The following NOS2 variants were observed in gnomAD, a reference collection of about 807,000 sequenced individuals.
NOS2 encodes nitric oxide synthase, inducible.
In NOS2, 96 loss-of-function variants were observed where a neutral mutation model predicts 136.0. That is an observed-to-expected ratio of 0.71 (90% CI 0.60 to 0.84). NOS2 has a LOEUF of 0.84. Ranked by LOEUF, NOS2 falls within the 40% of genes least tolerant of loss-of-function variation. The pLI, the probability that NOS2 is intolerant of heterozygous loss-of-function variation, is 0.00. For missense variants in NOS2, 1,237 were observed against 1,496.9 expected (o/e 0.83, Z 2.87); for synonymous variants, 539 against 587.5 (o/e 0.92, Z 1.20).
At chr17:27,761,601 C>T (rs956454016) in intron 22 of NOS2, among the ~76,000 whole-genome samples, 9 of 152,180 alleles carry the variant, frequency 5.9e-5, no homozygotes, top group Non-Finnish European at 1.3e-4. Context: ...TCCCAGCTCA[C>T]CACTGAGCTC....
intron 2 of NOS2, among the ~76,000 whole-genome samples, chr17:27,794,376 C>T (rs1349977126): frequency 2.0e-5 from 3 of 152,182 alleles, no homozygotes; most frequent in Admixed American, 6.5e-5. Context: ...CTTGCAGGCC[C>T]CTTGTCCTTG....
chr17:27,766,455 T>C, intron 19 of NOS2, 55 bp downstream of exon 19: 1 of 1,412,782 alleles, frequency 7.1e-7, no homozygotes, highest in Admixed American at 1.7e-5. Context: ...GATCTTTCAT[T>C]CGTTAAAATA....
intron 11 of NOS2, among the ~76,000 whole-genome samples, chr17:27,778,347 T>C (rs1597552384): frequency 2.0e-5 from 3 of 152,132 alleles, no homozygotes; most frequent in African/African-American, 7.2e-5. Flanking sequence ...AGCCTGAGGT[T>C]TGGCAGGAGT....
chr17:27,759,060 T>A lies in NOS2; in HGVS notation c.3175A>T (p.Ile1059Phe), dbSNP rs769452096. 6.2e-7 allele frequency: 1 copy of A among 1,601,166 alleles called. No homozygotes were observed. Among genetic ancestry groups the A allele is most frequent in the African/African-American group, 1.3e-5 (1 of 74,526 alleles). ...PGKPKVYVQD[I>F]LRQQLASEVL... ...TCGCTGGCCAGCTGCTGCCGCAGGA[T>A]GTCCTGAACATAGACCTGAAACCAG... Residue 1059 changes from isoleucine to phenylalanine, a missense_variant, in exon 26 of 27, where the codon ATC becomes TTC. Ile to Phe is a conservative substitution (Grantham distance 21). Transcript: ENST00000313735.
intron 5 of NOS2, among the ~76,000 whole-genome samples, chr17:27,783,864 C>T (rs749086428): frequency 6.6e-6 from 1 of 152,150 alleles, no homozygotes; most frequent in African/African-American, 2.4e-5. Context: ...GACAGTAAGC[C>T]CAAAGATGTT....
chr17:27,784,654 G>A (rs1377584231), intron 5 of NOS2, among the ~76,000 whole-genome samples: 2 of 152,208 alleles, frequency 1.3e-5, no homozygotes, highest in African/African-American at 2.4e-5. Flanking sequence ...CATTAGAAAT[G>A]CTATGATGTC....
At chr17:27,760,836 G>T in intron 23 of NOS2, 92 bp from the exon 24 acceptor site, 1 of 1,443,506 alleles carries the variant, frequency 6.9e-7, no homozygotes, top group Non-Finnish European at 9.3e-7. Flanking sequence ...TGTGGGAGGC[G>T]GTCGTGAGGG....
intron 9 of NOS2, among the ~76,000 whole-genome samples, chr17:27,779,586 G>T (rs1190506259): frequency 6.6e-6 from 1 of 151,954 alleles, no homozygotes; most frequent in Non-Finnish European, 1.5e-5. Context: ...AGACGTATTG[G>T]ACACATAGGA....
intron 13 of NOS2, 125 bp from the exon 14 acceptor site, chr17:27,772,577 C>G: frequency 9.5e-7 from 1 of 1,057,604 alleles, no homozygotes; most frequent in Non-Finnish European, 1.4e-6. Context: ...AAGCAAGCTA[C>G]GTTTCTCACC....
At position 27,757,331 on chromosome 17, in the gene NOS2, T is replaced by C. The variant is rs2151323438; in HGVS notation, c.3377A>G (p.Asp1126Gly). 2 of 1,614,022 alleles carry C rather than the reference T, an allele frequency of 1.2e-6. No homozygotes were observed. The highest frequency in any genetic ancestry group is 1.7e-6 in the Non-Finnish European group (2 of 1,179,992). Residue 1126 changes from aspartate to glycine, a missense_variant, in exon 27 of 27, where the codon GAT becomes GGT. Transcript: ENST00000313735. ...GTAAGGAAATACAGCACCAAAGATA[T>C]CTTCGTGATAGCGCTTCTGGCTCTT... ...QLKSQKRYHEDIFGAVFPYEA... is the reference protein window; with the variant it reads ...QLKSQKRYHEGIFGAVFPYEA...
intron 20 of NOS2, among the ~76,000 whole-genome samples, chr17:27,764,656 C>T (rs1908239017): frequency 6.6e-6 from 1 of 152,240 alleles, no homozygotes; most frequent in Non-Finnish European, 1.5e-5. Context: ...CCTGGCTCCC[C>T]ACTTCTGAGG....
At chr17:27,779,284 T>C (rs1326556909) in intron 9 of NOS2, among the ~76,000 whole-genome samples, 2 of 103,118 alleles carry the variant, frequency 1.9e-5, no homozygotes, top group Non-Finnish European at 1.9e-5. Context: ...AGCTAATTTT[T>C]TTCCTTATTA....
intron 2 of NOS2, among the ~76,000 whole-genome samples, chr17:27,796,394 G>A (rs1313491811): frequency 6.6e-6 from 1 of 152,200 alleles, no homozygotes; most frequent in Non-Finnish European, 1.5e-5. Flanking sequence ...AGGTTGCAGT[G>A]CAGTGAGCTG....
At chr17:27,775,003 A>G (rs971679265) in intron 11 of NOS2, among the ~76,000 whole-genome samples, 1 of 152,224 alleles carries the variant, frequency 6.6e-6, no homozygotes, top group Non-Finnish European at 1.5e-5. Context: ...GACCCCATGG[A>G]ATGGTCCAGC....
chr17:27,756,898 G>T lies in NOS2; in HGVS notation c.*348C>A. ...AGAGGCATAAATAACTGTACACAAG[G>T]CAGTTAAATACACAGTGGTGCGATA... On this transcript the variant is annotated 3_prime_UTR_variant, in exon 27 of 27. Transcript: ENST00000313735. 1 of 264,744 alleles carries T rather than the reference G, an allele frequency of 3.8e-6. No individual in the cohort carries two copies. Among genetic ancestry groups the T allele is most frequent in the Non-Finnish European group, 7.0e-6 (1 of 142,232 alleles). The allele number at this position is 264,744 out of a possible 1,614,324, so 16.4% of individuals were successfully genotyped here.
intron 3 of NOS2, 101 bp from the exon 4 acceptor site, chr17:27,789,032 C>G: frequency 6.9e-7 from 1 of 1,451,504 alleles, no homozygotes; most frequent in Non-Finnish European, 9.3e-7. Context: ...CCACACAGGG[C>G]AGGGTGTCCC....
intron 21 of NOS2, among the ~76,000 whole-genome samples, chr17:27,763,579 T>C (rs1164425431): frequency 6.6e-6 from 1 of 152,230 alleles, no homozygotes; most frequent in Admixed American, 6.5e-5. Flanking sequence ...CATTCTCTCA[T>C]TAACTTATTA....
At chr17:27,758,249 C>T (rs1907990907) in intron 26 of NOS2, among the ~76,000 whole-genome samples, 1 of 152,120 alleles carries the variant, frequency 6.6e-6, no homozygotes. Flanking sequence ...GCTTTGGAAC[C>T]AGAGAGAGGC....
rs144577286 is a variant in NOS2 at position 27,757,290 on chromosome 17, T to C, written c.3418A>G (p.Arg1140Gly). The C allele has an allele frequency of 9.9e-6, 16 of 1,614,006 alleles. No individual in the cohort carries two copies. The Middle Eastern group carries it at 6.6e-4, about 66-fold the overall frequency. The stretch of plus-strand genomic sequence containing the variant: ...AGGCTGCTGGGCTGCACCGCCACCC[T>C]GTCCTTCTTCGCCTCGTAAGGAAAT... ...AVFPYEAKKD[R>G]VAVQPSSLEM... is the part of the protein sequence containing the mutation. The change falls in exon 27 of 27, where the codon AGG becomes GGG. Residue 1140 changes from arginine (R) to glycine (G), a missense_variant. By Grantham distance (125) the Arg-to-Gly change is moderately radical (BLOSUM62 -2). Around this residue, in one of 3 missense-constraint regions of NOS2, gnomAD observed 782 missense variants for 909.9 expected, o/e 0.86. Transcript: ENST00000313735.
Sources: gnomAD v4.1 joint callset for allele counts (sites outside exome capture counted in the v4.1 genomes callset) on GRCh38, gnomAD v4.1.1 for gene constraint, gnomAD v4.1.1 regional missense constraint, MANE v1.5 for transcripts, NCBI Gene and HGNC (gene_info 2026-07-23, HGNC 2026-07-21) for gene names.